Variants in RALGAPA2 observed in about 807,000 individuals in gnomAD.
The protein encoded by RALGAPA2 is ral GTPase-activating protein subunit alpha-2.
RALGAPA2 carries 139 observed loss-of-function variants against 230.4 expected under a neutral mutation model. That is an observed-to-expected ratio of 0.60 (90% confidence interval 0.53 to 0.69). RALGAPA2 has a LOEUF of 0.69. Ranked by LOEUF, RALGAPA2 falls within the 30% of genes least tolerant of loss-of-function variation. The pLI is 0.00. For synonymous variants in RALGAPA2, 847 were observed against 837.8 expected, an observed-to-expected ratio of 1.01 and a Z score of -0.19; for missense variants, 2,163 against 2,276.0, an observed-to-expected ratio of 0.95 and a Z score of 1.01.
At chr20:20,428,648 T>G (rs1488123197) in intron 37 of RALGAPA2, among the ~76,000 whole-genome samples, 1 of 152,084 alleles carries the variant, frequency 6.6e-6, no homozygotes, top group Non-Finnish European at 1.5e-5. Flanking sequence ...TGGTGGCCCA[T>G]CCACATCAGA....
At position 20,642,511 on chromosome 20, in the gene RALGAPA2, A is replaced by G. The variant is rs541451935; in HGVS notation, c.372+995T>C. 2.0e-5 allele frequency among the ~76,000 whole-genome samples: 3 copies of G among 152,322 alleles called. No individual in the cohort carries two copies. The South Asian group carries it at 6.2e-4, about 32-fold the overall frequency. On this transcript the variant is annotated intron_variant, in intron 5 of 39. Coordinates refer to ENST00000202677, the MANE Select transcript of RALGAPA2 (RefSeq NM_020343.4). ...CAGGCATGAGCCACTGTGCCTGGCC[A>G]GCTCTATGTATATCTAATCAAATTA...
intron 37 of RALGAPA2, among the ~76,000 whole-genome samples, chr20:20,431,316 T>A (rs1012518577): frequency 3.9e-5 from 6 of 151,952 alleles, no homozygotes; most frequent in Non-Finnish European, 8.8e-5. Flanking sequence ...AGGCTGACAA[T>A]GCATGGTGGT....
chr20:20,617,748 G>C (rs1223090711), intron 12 of RALGAPA2, among the ~76,000 whole-genome samples: 3 of 152,054 alleles, frequency 2.0e-5, no homozygotes, highest in Non-Finnish European at 1.5e-5. Flanking sequence ...ACTATCTCTT[G>C]AACATCTGAG....
At chr20:20,689,843 G>T (rs1485136581) in intron 1 of RALGAPA2, among the ~76,000 whole-genome samples, 2 of 152,096 alleles carry the variant, frequency 1.3e-5, no homozygotes, top group Admixed American at 1.3e-4. Context: ...AGCAGCTCAG[G>T]GCAGAGGTTC....
intron 23 of RALGAPA2, among the ~76,000 whole-genome samples, chr20:20,562,238 C>T (rs941558671): frequency 2.0e-5 from 3 of 151,992 alleles, no homozygotes; most frequent in Non-Finnish European, 4.4e-5. Flanking sequence ...AGCATCTACC[C>T]TCTCTGGGAA....
At chr20:20,603,984 GTGAT>G (rs1196402543) in intron 15 of RALGAPA2, among the ~76,000 whole-genome samples, 1 of 152,162 alleles carries the variant, frequency 6.6e-6, no homozygotes, top group Non-Finnish European at 1.5e-5. Context: ...CATCACCTAA[GTGAT>G]TGAATTGTTT....
intron 4 of RALGAPA2, among the ~76,000 whole-genome samples, chr20:20,651,693 T>C (rs2067403851): frequency 6.6e-6 from 1 of 152,216 alleles, no homozygotes. Flanking sequence ...TCACACATAG[T>C]CCTAATAAGT....
intron 37 of RALGAPA2, among the ~76,000 whole-genome samples, chr20:20,420,417 CCTTA>C (rs2122853806): frequency 6.6e-6 from 1 of 152,308 alleles, no homozygotes; most frequent in East Asian, 1.9e-4. Flanking sequence ...TATTTCAATA[CCTTA>C]CTTATTCTTT....
intron 16 of RALGAPA2, among the ~76,000 whole-genome samples, chr20:20,596,345 A>C (rs1208370998): frequency 2.0e-5 from 3 of 152,264 alleles, no homozygotes; most frequent in Non-Finnish European, 4.4e-5. Context: ...ATGTAAACAA[A>C]ATTAGCAATC....
intron 35 of RALGAPA2, among the ~76,000 whole-genome samples, chr20:20,502,499 C>T (rs538508887): frequency 5.1e-4 from 77 of 152,324 alleles, no homozygotes; most frequent in Non-Finnish European, 9.6e-4. Flanking sequence ...TGTTTTTAAT[C>T]TCACTTAATA....
chr20:20,517,017 G>A (rs1380728640), intron 31 of RALGAPA2, among the ~76,000 whole-genome samples: 1 of 152,150 alleles, frequency 6.6e-6, no homozygotes, highest in Non-Finnish European at 1.5e-5. Flanking sequence ...CTTGTGAAGG[G>A]TCGTGGAGAA....
At chr20:20,435,248 G>A (rs1400120801) in intron 37 of RALGAPA2, among the ~76,000 whole-genome samples, 2 of 152,224 alleles carry the variant, frequency 1.3e-5, no homozygotes, top group Non-Finnish European at 2.9e-5. Context: ...GGTCATGGGA[G>A]GCATGGGAGG....
intron 2 of RALGAPA2, 64 bp downstream of exon 2, chr20:20,680,627 A>G: frequency 6.9e-7 from 1 of 1,454,704 alleles, no homozygotes. Context: ...TTTGTGGCTC[A>G]TGATATATAC....
chr20:20,619,785 C>T (rs180825392), intron 11 of RALGAPA2, among the ~76,000 whole-genome samples: 4 of 152,280 alleles, frequency 2.6e-5, no homozygotes, highest in African/African-American at 9.6e-5. Flanking sequence ...AATTATGGAA[C>T]ACAGATATTT....
intron 37 of RALGAPA2, among the ~76,000 whole-genome samples, chr20:20,426,785 A>G (rs563557723): frequency 6.6e-6 from 1 of 152,336 alleles, no homozygotes; most frequent in African/African-American, 2.4e-5. Flanking sequence ...GAATCAGACT[A>G]CATCCTGAGC....
At chr20:20,521,448 G>A (rs535918533) in intron 30 of RALGAPA2, among the ~76,000 whole-genome samples, 1 of 152,210 alleles carries the variant, frequency 6.6e-6, no homozygotes, top group Admixed American at 6.5e-5. Context: ...GGCCAATCAC[G>A]GTGGAGGGTG....
chr20:20,539,739 G>T (rs925175321), intron 24 of RALGAPA2, among the ~76,000 whole-genome samples: 1 of 152,064 alleles, frequency 6.6e-6, no homozygotes, highest in African/African-American at 2.4e-5. Context: ...TGAAACTTTT[G>T]ATCCACTGAC....
rs151067817 is a variant in RALGAPA2 at position 20,395,758 on chromosome 20, C to T, written c.*35+937G>A. ...CTGCTCCTCTGGCCTGCAGGTCCAA[C>T]AGCCCTGCCTAGCAGAGGAGGGTGA... On this transcript the variant is annotated intron_variant, in intron 39 of 39. Transcript: ENST00000202677. 3.9e-5 allele frequency among the ~76,000 whole-genome samples: 6 copies of T among 152,326 alleles called. No homozygotes were observed. The East Asian group carries it at 1.2e-3, about 29-fold the overall frequency.
At chr20:20,559,851 T>C (rs901856708) in intron 23 of RALGAPA2, among the ~76,000 whole-genome samples, 6 of 152,258 alleles carry the variant, frequency 3.9e-5, no homozygotes, top group Non-Finnish European at 7.3e-5. Flanking sequence ...AAATGCATCA[T>C]GCCCTGTTGT....
Sources: allele counts gnomAD v4.1 joint callset (sites outside exome capture counted in the v4.1 genomes callset), GRCh38; gene constraint gnomAD v4.1.1; transcripts MANE v1.5; gene names NCBI Gene and HGNC (gene_info 2026-07-23, HGNC 2026-07-21).